The following STXBP2 variants were observed in gnomAD, a reference collection of about 807,000 sequenced individuals.
The protein encoded by STXBP2 is syntaxin binding protein 2, also known as syntaxin-binding protein 2.
Under a neutral mutation model 72.2 loss-of-function variants are expected in STXBP2, and 47 were observed. The ratio of observed to expected loss-of-function variants is 0.65; its 90% CI spans 0.51 to 0.83. The LOEUF (loss-of-function observed/expected upper bound fraction) is 0.83. Among genes scored for constraint, STXBP2 ranks in the 40% least tolerant of loss-of-function variants. The probability of loss-of-function intolerance (pLI) is 0.00; values close to 1 mark genes in which losing one functional copy is unlikely to be tolerated. For synonymous variants in STXBP2, 367 were observed against 338.7 expected (o/e 1.08, Z -0.92); for missense variants, 702 against 807.6 (o/e 0.87, Z 1.58).
Position 7,647,404 on chromosome 19 carries a change from C to T in STXBP2, c.1589C>T (p.Ala530Val), listed in dbSNP as rs757459022. 8.1e-6 allele frequency: 13 copies of T among 1,613,342 alleles called. No individual in the cohort carries two copies. The highest frequency in any genetic ancestry group is 2.2e-5 in the East Asian group (1 of 44,884). ...HKNKAGIEAR[A>V]GPRLIVYVMG... is the part of the protein sequence containing the mutation. ...AACAAGGCTGGCATAGAAGCCCGGG[C>T]GGGCCCCCGGCTCATCGTGTATGTC... The change falls in exon 18 of 19, where the codon GCG becomes GTG. Residue 530 changes from alanine to valine, a missense_variant. By Grantham distance (64) the Ala-to-Val change is moderately conservative (BLOSUM62 0). Coordinates refer to ENST00000221283, the MANE Select transcript of STXBP2 (RefSeq NM_006949.4).
At chr19:7,639,513 C>T (rs1033793345) in intron 3 of STXBP2, 3 of 616,932 alleles carry the variant, frequency 4.9e-6, no homozygotes, top group African/African-American at 1.8e-5. Context: ...GAACCTCAGT[C>T]TCCCTGTCTG....
upstream of STXBP2, among the ~76,000 whole-genome samples, chr19:7,635,372 G>A (rs950947620): frequency 6.6e-6 from 1 of 152,228 alleles, no homozygotes; most frequent in African/African-American, 2.4e-5. Context: ...TGTATGGTAT[G>A]TGAATTATAT....
chr19:7,632,083 G>A (rs2031336337), upstream of STXBP2: 2 of 555,534 alleles, frequency 3.6e-6, no homozygotes, highest in Non-Finnish European at 6.3e-6. This position sits in a 1 kb window ranked among gnomAD's most constrained non-coding sequence, Gnocchi z 5.2. Flanking sequence ...CTATGTGTGA[G>A]CTTACGTGAC....
rs140745219 is a variant in STXBP2, at chr19:7,640,932, C to T, written c.358C>T (p.Arg120Cys). ...CPEPLFSELGRSRLAKVVKTL... is the reference protein window; with the variant it reads ...CPEPLFSELGCSRLAKVVKTL... ...CGAGCCCCTGTTCAGTGAGCTAGGCCGCTCTCGTCTGGCAAAGGTGGTGAA... is the reference window on the plus strand; with the variant it reads ...CGAGCCCCTGTTCAGTGAGCTAGGCTGCTCTCGTCTGGCAAAGGTGGTGAA... The change falls in exon 6 of 19, where the codon CGC becomes TGC. Residue 120 changes from arginine to cysteine, a missense_variant. Coordinates refer to ENST00000221283, the MANE Select transcript of STXBP2 (RefSeq NM_006949.4). The T allele has an allele frequency of 1.7e-4, 269 of 1,614,094 alleles. No homozygotes were observed. Among genetic ancestry groups the T allele is most frequent in the Non-Finnish European group, 2.1e-4 (242 of 1,180,036 alleles).
chr19:7,644,418 T>A, intron 13 of STXBP2, 196 bp from the exon 14 acceptor site: 1 of 676,842 alleles, frequency 1.5e-6, no homozygotes, highest in Non-Finnish European at 2.5e-6. Context: ...ACTGGAAAGG[T>A]GGGACCTGGG....
intron 13 of STXBP2, 171 bp downstream of exon 13, chr19:7,643,416 G>A (rs2031977528): frequency 1.4e-6 from 1 of 722,490 alleles, no homozygotes; most frequent in Middle Eastern, 3.8e-4. Context: ...GTCTTGTGGA[G>A]AAACGGTCCT....
chr19:7,639,645 A>G, intron 3 of STXBP2, 86 bp from the exon 4 acceptor site: 1 of 1,281,816 alleles, frequency 7.8e-7, no homozygotes, highest in Non-Finnish European at 1.1e-6. Context: ...CCTCCTCCCC[A>G]AGCCTCCAAC....
At chr19:7,641,583 C>T (rs1426629797) in intron 6 of STXBP2, 122 bp from the exon 7 acceptor site, 33 of 1,373,898 alleles carry the variant, frequency 2.4e-5, no homozygotes, top group South Asian at 1.6e-4. Flanking sequence ...GCCTCCAATT[C>T]GGCAAAGCAG....
At chr19:7,636,979 C>T, upstream of STXBP2, 1 of 695,660 alleles carries the variant, frequency 1.4e-6, no homozygotes, top group Non-Finnish European at 2.0e-6. Flanking sequence ...CCCGTCCTCC[C>T]CGCCAGGGAC....
chr19:7,629,963 A>C, the STXBP2 span: 1 of 1,319,010 alleles, frequency 7.6e-7, no homozygotes, highest in Non-Finnish European at 1.0e-6. Context: ...GGGAGCTCCA[A>C]GGAGAAAGCT....
upstream of STXBP2, among the ~76,000 whole-genome samples, chr19:7,634,740 G>A (rs1182293161): frequency 6.6e-6 from 1 of 152,170 alleles, no homozygotes; most frequent in African/African-American, 2.4e-5. Context: ...GAAGGTGTTG[G>A]CAGAGCTGTG....
intron 4 of STXBP2, chr19:7,640,058 ATG>A (rs1415709120): frequency 2.3e-5 from 14 of 603,048 alleles, no homozygotes; most frequent in Non-Finnish European, 3.6e-5. Context: ...ATTTGTGTGT[ATG>A]TGTGTATGCG....
At chr19:7,645,381 C>A in intron 15 of STXBP2, 75 bp downstream of exon 15, 1 of 1,400,944 alleles carries the variant, frequency 7.1e-7, no homozygotes. Context: ...AGGCAGAGGG[C>A]CATTGGTGCA....
chr19:7,632,706 C>T (rs2031373770), upstream of STXBP2: 2 of 1,553,964 alleles, frequency 1.3e-6, no homozygotes, highest in Non-Finnish European at 1.7e-6. The surrounding 1 kb of genome is among the most constrained non-coding windows in gnomAD (Gnocchi z 5.2). Context: ...ACCCCCGTGC[C>T]CATGCTCACG....
the STXBP2 span, chr19:7,631,357 C>T: frequency 7.2e-7 from 1 of 1,381,430 alleles, no homozygotes; most frequent in Admixed American, 3.0e-5. Flanking sequence ...AGACACTGAA[C>T]CCTGAAGCCG....
rs544312114 is a variant in STXBP2, at chr19:7,645,319, C to T, written c.1356+13C>T. ...CACCAACCCCGGGGTACGCCAGGAG[C>T]GGGCATGGGGGGACCCTGGGAGAGG... is the stretch of plus-strand genomic sequence containing the variant. On this transcript the variant is annotated intron_variant, in intron 15 of 18. Transcript: ENST00000221283. 1.1e-4 allele frequency: 171 copies of T among 1,568,856 alleles called. No homozygotes were observed. Among genetic ancestry groups the T allele is most frequent in the Middle Eastern group, 3.5e-4 (2 of 5,638 alleles).
chr19:7,632,735 C>T (rs760404126), upstream of STXBP2: 71 of 1,561,598 alleles, frequency 4.5e-5, no homozygotes, highest in African/African-American at 5.4e-5. This position sits in a 1 kb window ranked among gnomAD's most constrained non-coding sequence, Gnocchi z 5.2. Context: ...TGGTCTGGCC[C>T]GGCCCGGCTT....
At chr19:7,645,946 CTT>C in intron 15 of STXBP2, 1 of 503,216 alleles carries the variant, frequency 2.0e-6, no homozygotes, top group Non-Finnish European at 3.6e-6. Context: ...TGCTTCATCT[CTT>C]GTCTCTCTCT....
intron 1 of STXBP2, among the ~76,000 whole-genome samples, chr19:7,638,053 C>T (rs1186190620): frequency 5.3e-5 from 8 of 152,196 alleles, no homozygotes; most frequent in African/African-American, 1.9e-4. Flanking sequence ...TGGCTGAAAC[C>T]CTCACAGCAG....
Sources: gnomAD v4.1 joint callset for allele counts (sites outside exome capture counted in the v4.1 genomes callset) on GRCh38, gnomAD v4.1.1 for gene constraint, Gnocchi (gnomAD v3.1) non-coding constraint, MANE v1.5 for transcripts, NCBI Gene and HGNC (gene_info 2026-07-23, HGNC 2026-07-21) for gene names.